Variants in OTOF observed in about 807,000 individuals in gnomAD.
OTOF encodes the protein otoferlin.
Under a neutral mutation model 236.8 loss-of-function variants are expected in OTOF, and 218 were observed. That is an observed-to-expected ratio of 0.92 (90% CI 0.82 to 1.03). The LOEUF (loss-of-function observed/expected upper bound fraction) is 1.03. OTOF is among the 50% of genes least tolerant of loss of function. OTOF has a pLI of 0.00. For synonymous variants in OTOF, 1,041 were observed against 1,072.5 expected, an observed-to-expected ratio of 0.97 and a Z score of 0.57; for missense variants, 2,590 against 2,694.4, an observed-to-expected ratio of 0.96 and a Z score of 0.86.
chr2:26,515,828 C>A (rs4665865), intron 5 of OTOF, among the ~76,000 whole-genome samples: 136,234 of 152,266 alleles, frequency 0.89, 61,133 homozygotes, highest in Middle Eastern at 0.95. Flanking sequence ...AAATAGTGCA[C>A]GTGGAATGAG....
Position 26,476,972 on chromosome 2 carries a change from C to A in OTOF, c.2595G>T (p.Val865=), listed in dbSNP as rs1205936616. ...TGGAGAAGAGCAGGTCCTTGGAGGG[C>A]ACACGGGCATAGGCGACACGCTTGT... ...SNNKRVAYAR[V]PSKDLLFSIV... Residue 865 remains valine, a synonymous_variant, in exon 22 of 47, where the codon GTG becomes GTT. Coordinates refer to ENST00000272371, the MANE Select transcript of OTOF (RefSeq NM_194248.3). 6.2e-7 allele frequency: 1 copy of A among 1,611,940 alleles called. No individual in the cohort carries two copies. Among genetic ancestry groups the A allele is most frequent in the East Asian group, 2.2e-5 (1 of 44,828 alleles).
At chr2:26,502,528 G>C in intron 6 of OTOF, 102 bp from the exon 7 acceptor site, 3 of 1,249,740 alleles carry the variant, frequency 2.4e-6, no homozygotes, top group Non-Finnish European at 3.4e-6. Flanking sequence ...TTAAATTCGA[G>C]GTTTACTTAG....
chr2:26,541,442 G>T (rs1558524992), intron 1 of OTOF, among the ~76,000 whole-genome samples: 3 of 152,226 alleles, frequency 2.0e-5, no homozygotes, highest in South Asian at 2.1e-4. Context: ...TTTAAAAAAG[G>T]TTTGCTGAAA....
chr2:26,501,237 C>T (rs1226572263), intron 8 of OTOF, among the ~76,000 whole-genome samples: 4 of 152,042 alleles, frequency 2.6e-5, no homozygotes, highest in Non-Finnish European at 5.9e-5. Flanking sequence ...GTCTTAGAAG[C>T]ACACAAATAA....
At chr2:26,463,693 G>T in intron 40 of OTOF, 122 bp from the exon 41 acceptor site, 1 of 919,596 alleles carries the variant, frequency 1.1e-6, no homozygotes, top group Non-Finnish European at 1.7e-6. Flanking sequence ...TCCATCTTTG[G>T]ATGCCAGGAA....
chr2:26,489,807 C>T (rs1665796121), intron 9 of OTOF, 67 bp from the exon 10 acceptor site: 3 of 1,241,594 alleles, frequency 2.4e-6, no homozygotes, highest in African/African-American at 1.5e-5. Flanking sequence ...CAGTGTTGGG[C>T]CCCTCCCTCC....
chr2:26,467,256 G>A, intron 34 of OTOF, 23 bp from the exon 35 acceptor site: 1 of 1,614,060 alleles, frequency 6.2e-7, no homozygotes, highest in Middle Eastern at 1.6e-4. Flanking sequence ...AGGCTGTTAG[G>A]GGGCGGCTGC....
intron 15 of OTOF, 24 bp from the exon 16 acceptor site, chr2:26,480,335 T>C (rs758660869): frequency 7.0e-7 from 1 of 1,424,428 alleles, no homozygotes; most frequent in South Asian, 1.1e-5. Context: ...GTTCAAAGCG[T>C]TCCTGAGCTT....
At position 26,460,947 on chromosome 2, in the gene OTOF, C is replaced by A. The variant is rs768364325; in HGVS notation, c.5617G>T (p.Val1873Leu). 8.1e-6 allele frequency: 13 copies of A among 1,614,014 alleles called. No homozygotes were observed. The highest frequency in any genetic ancestry group is 1.1e-5 in the Non-Finnish European group (13 of 1,180,018). The change falls in exon 44 of 47, where the codon GTG becomes TTG. Residue 1873 changes from valine (V) to leucine (L), a missense_variant. Coordinates refer to ENST00000272371, the MANE Select transcript of OTOF (RefSeq NM_194248.3). This position sits in a 1 kb window ranked among gnomAD's most constrained non-coding sequence, Gnocchi z 5.3. ...AAGATGGACACGAGGGGCACGTCCA[C>A]CTCCCCGGTGGCCATCTCCATGGTG... ...QCTMEMATGEVDVPLVSIFKQ... is the reference protein window; with the variant it reads ...QCTMEMATGELDVPLVSIFKQ...
rs991308238 is a variant in OTOF, at chr2:26,462,242, G to A, written c.5193-61C>T. ...AGGTGGGGGTTATGCCAGGGTGCCA[G>A]GGCTGGGATGGGGCAGGCGGAGAGA... is the stretch of plus-strand genomic sequence containing the variant. On this transcript the variant is annotated intron_variant, in intron 41 of 46. Transcript: ENST00000272371. The surrounding 1 kb of genome is among the most constrained non-coding windows in gnomAD (Gnocchi z 4.7). 12 of 1,401,292 alleles carry A rather than the reference G, an allele frequency of 8.6e-6. No individual in the cohort carries two copies. The highest frequency in any genetic ancestry group is 1.4e-5 in the African/African-American group (1 of 70,812). 86.8% of individuals were successfully genotyped at this position (1,401,292 alleles called of 1,614,324 possible).
rs1664609598 is a variant in OTOF, at chr2:26,464,037, G to A, written c.5030C>T (p.Ala1677Val). 6.2e-7 allele frequency: 1 copy of A among 1,613,728 alleles called. No homozygotes were observed. Among genetic ancestry groups the A allele is most frequent in the Non-Finnish European group, 8.5e-7 (1 of 1,180,020 alleles). ...ATGCTCTGGCACCAGGCGGCAGCCT[G>A]CGCGGGGGATGTCCTCCCAGTGCCT... ...ALRHWEDIPR[A>V]GCRLVPEHVE... Residue 1677 changes from alanine to valine, a missense_variant, in exon 40 of 47, where the codon GCA becomes GTA. By Grantham distance (64) the Ala-to-Val change is moderately conservative. Around this residue, in one of 2 missense-constraint regions of OTOF, gnomAD observed 1,211 missense variants for 1,352.8 expected, o/e 0.90. Transcript: ENST00000272371.
chr2:26,499,500 T>C (rs188937210), intron 8 of OTOF, among the ~76,000 whole-genome samples: 1 of 152,202 alleles, frequency 6.6e-6, no homozygotes, highest in East Asian at 1.9e-4. Context: ...TTTTATTATT[T>C]ATTTATTTAT....
chr2:26,530,045 G>T (rs1217926121), intron 2 of OTOF, among the ~76,000 whole-genome samples: 1 of 147,426 alleles, frequency 6.8e-6, no homozygotes, highest in Non-Finnish European at 1.5e-5. Flanking sequence ...CAGCTCATCA[G>T]CCAGGGCGCT....
chr2:26,538,111 C>T (rs1667120113), intron 1 of OTOF, among the ~76,000 whole-genome samples: 1 of 152,236 alleles, frequency 6.6e-6, no homozygotes, highest in Non-Finnish European at 1.5e-5. Context: ...ATGGATCTCT[C>T]AGCCTCCTCT....
At chr2:26,548,585 T>G (rs1290677384) in intron 1 of OTOF, among the ~76,000 whole-genome samples, 1 of 152,218 alleles carries the variant, frequency 6.6e-6, no homozygotes, top group Non-Finnish European at 1.5e-5. Flanking sequence ...ATAACACCGT[T>G]TTGGTCAACG....
At position 26,506,484 on chromosome 2, in the gene OTOF, G is replaced by A. The variant is rs189006979; in HGVS notation, c.510-2639C>T. Among the ~76,000 whole-genome samples, 257 of 152,274 alleles carry A rather than the reference G, an allele frequency of 1.7e-3. 4 individuals are homozygous for A. Among genetic ancestry groups the A allele is most frequent in the Admixed American group, 0.015 (233 of 15,304 alleles). On this transcript the variant is annotated intron_variant, in intron 5 of 46. Transcript: ENST00000272371. ...GAAGCAGGCCCTGCCTGGAGAAGCC[G>A]GCTGCCCGGCCTGCTGGGATGGGAT...
chr2:26,506,829 G>A (rs1218771314), intron 5 of OTOF, among the ~76,000 whole-genome samples: 3 of 152,160 alleles, frequency 2.0e-5, no homozygotes, highest in African/African-American at 7.2e-5. Flanking sequence ...GTGAAACCCC[G>A]TCTCTACTAA....
chr2:26,531,115 G>A (rs890452150), intron 2 of OTOF, among the ~76,000 whole-genome samples: 3 of 152,192 alleles, frequency 2.0e-5, no homozygotes, highest in African/African-American at 7.2e-5. Context: ...CCCCCTTGCT[G>A]TGCCCAGACA....
At chr2:26,531,277 A>G (rs1457739521) in intron 2 of OTOF, among the ~76,000 whole-genome samples, 1 of 152,132 alleles carries the variant, frequency 6.6e-6, no homozygotes, top group Non-Finnish European at 1.5e-5. Context: ...TCTCACGCAG[A>G]CTGGGAGTCT....
Sources: allele counts gnomAD v4.1 joint callset (sites outside exome capture counted in the v4.1 genomes callset), GRCh38; gene constraint gnomAD v4.1.1; regional missense constraint gnomAD v4.1.1; non-coding constraint Gnocchi (gnomAD v3.1); transcripts MANE v1.5; gene names NCBI Gene and HGNC (gene_info 2026-07-23, HGNC 2026-07-21).